GPC6: variants seen among roughly 807,000 people sequenced by gnomAD.
The protein encoded by GPC6 is glypican 6.
GPC6 carries 14 observed loss-of-function variants against 55.2 expected under a neutral mutation model. The observed-to-expected ratio is 0.25, with a 90% confidence interval of 0.17 to 0.40. The LOEUF (loss-of-function observed/expected upper bound fraction) is 0.40. Among genes scored for constraint, GPC6 ranks in the 10% least tolerant of loss-of-function variants. GPC6 has a pLI of 1.00. For missense variants in GPC6, 641 were observed against 708.5 expected, an observed-to-expected ratio of 0.90 and a Z score of 1.08; for synonymous variants, 278 against 259.6, an observed-to-expected ratio of 1.07 and a Z score of -0.68.
chr13:93,534,552 G>A (rs1424430512), intron 1 of GPC6, among the ~76,000 whole-genome samples: 1 of 152,154 alleles, frequency 6.6e-6, no homozygotes, highest in Non-Finnish European at 1.5e-5. Context: ...CACTCACCAG[G>A]TCTATTCCTG....
intron 6 of GPC6, among the ~76,000 whole-genome samples, chr13:94,347,413 A>T (rs1265620096): frequency 6.6e-6 from 1 of 152,198 alleles, no homozygotes; most frequent in African/African-American, 2.4e-5. Context: ...TTTCAGGACT[A>T]TGTGCTTTGA....
chr13:93,997,763 T>C (rs1229964316), intron 3 of GPC6, among the ~76,000 whole-genome samples: 1 of 152,218 alleles, frequency 6.6e-6, no homozygotes, highest in Non-Finnish European at 1.5e-5. Flanking sequence ...ATGTTTGCTT[T>C]ACACAAGGTA....
intron 1 of GPC6, among the ~76,000 whole-genome samples, chr13:93,315,777 A>G (rs1879226686): frequency 6.6e-6 from 1 of 151,562 alleles, no homozygotes; most frequent in East Asian, 1.9e-4. Flanking sequence ...TTAACCATGT[A>G]TGTAGTCAGT....
At chr13:93,307,908 A>T in intron 1 of GPC6, among the ~76,000 whole-genome samples, 1 of 152,216 alleles carries the variant, frequency 6.6e-6, no homozygotes. Flanking sequence ...CATTTTACAA[A>T]CATATTGTAC....
chr13:93,542,879 C>G (rs554799968), intron 1 of GPC6, among the ~76,000 whole-genome samples: 2 of 152,156 alleles, frequency 1.3e-5, no homozygotes, highest in African/African-American at 4.8e-5. Flanking sequence ...GATTTTGTAT[C>G]CTGAGACTTT....
At chr13:93,928,361 T>A (rs1239229785) in intron 3 of GPC6, among the ~76,000 whole-genome samples, 1 of 152,190 alleles carries the variant, frequency 6.6e-6, no homozygotes, top group Admixed American at 6.5e-5. Flanking sequence ...TAATGAAAAT[T>A]TATATAAAGC....
At chr13:93,794,284 T>C (rs1268705036) in intron 2 of GPC6, among the ~76,000 whole-genome samples, 1 of 152,194 alleles carries the variant, frequency 6.6e-6, no homozygotes, top group African/African-American at 2.4e-5. Context: ...TGTTACTATA[T>C]AGTGGTTCTC....
chr13:93,248,754 G>A (rs903692601), intron 1 of GPC6, among the ~76,000 whole-genome samples: 16 of 152,194 alleles, frequency 1.1e-4, no homozygotes, highest in Non-Finnish European at 1.5e-5. Context: ...CCAGCCTGTA[G>A]GTGCACCACC....
chr13:94,400,374 AT>A (rs1881073753), intron 8 of GPC6, among the ~76,000 whole-genome samples: 1 of 152,158 alleles, frequency 6.6e-6, no homozygotes, highest in South Asian at 2.1e-4. Context: ...ACATTTTTTA[AT>A]ATTCTAAATC....
chr13:93,894,471 T>C (rs769109229), intron 3 of GPC6, among the ~76,000 whole-genome samples: 5 of 152,186 alleles, frequency 3.3e-5, no homozygotes, highest in Non-Finnish European at 4.4e-5. Flanking sequence ...GACTACTTAT[T>C]TTCCACATAT....
chr13:93,341,181 A>G (rs1025985318), intron 1 of GPC6, among the ~76,000 whole-genome samples: 16 of 152,074 alleles, frequency 1.1e-4, no homozygotes, highest in Non-Finnish European at 2.2e-4. Flanking sequence ...TTGGTTCCAT[A>G]TTTTACAATT....
At chr13:93,435,103 G>A (rs1594167297) in intron 1 of GPC6, among the ~76,000 whole-genome samples, 1 of 151,682 alleles carries the variant, frequency 6.6e-6, no homozygotes, top group African/African-American at 2.4e-5. Context: ...AAATAATATT[G>A]GTTAATTTCT....
intron 2 of GPC6, among the ~76,000 whole-genome samples, chr13:93,643,172 T>C (rs912098883): frequency 1.3e-5 from 2 of 152,168 alleles, no homozygotes; most frequent in Non-Finnish European, 2.9e-5. Context: ...ATTCATTGTT[T>C]AATATACTTA....
chr13:93,683,527 G>A (rs1030171296), intron 2 of GPC6, among the ~76,000 whole-genome samples: 2 of 152,026 alleles, frequency 1.3e-5, no homozygotes, highest in African/African-American at 2.4e-5. Flanking sequence ...AAAACAGTAC[G>A]TTAGCCATCA....
At chr13:93,490,477 T>C (rs1381512134) in intron 1 of GPC6, among the ~76,000 whole-genome samples, 2 of 138,934 alleles carry the variant, frequency 1.4e-5, no homozygotes, top group East Asian at 5.4e-4. Context: ...TTTTTTTTTT[T>C]CAACTTGAGT....
chr13:94,389,374 T>G (rs1482883508), intron 7 of GPC6, among the ~76,000 whole-genome samples: 1 of 151,858 alleles, frequency 6.6e-6, no homozygotes, highest in Admixed American at 6.6e-5. Flanking sequence ...TAGAAAAGAA[T>G]GATTAGATAG....
chr13:94,165,881 G>C (rs996142518), intron 4 of GPC6, among the ~76,000 whole-genome samples: 2 of 151,938 alleles, frequency 1.3e-5, no homozygotes, highest in African/African-American at 4.8e-5. Context: ...TTCTCCCATA[G>C]GGTATAATTG....
intron 2 of GPC6, among the ~76,000 whole-genome samples, chr13:93,759,021 G>C (rs1884870474): frequency 6.6e-6 from 1 of 151,928 alleles, no homozygotes; most frequent in South Asian, 2.1e-4. Flanking sequence ...TGTTTCTCCT[G>C]TCTAGAGTAA....
At chr13:94,089,442 C>G (rs967679096) in intron 4 of GPC6, among the ~76,000 whole-genome samples, 4 of 152,156 alleles carry the variant, frequency 2.6e-5, no homozygotes, top group Admixed American at 6.6e-5. Context: ...ATTCTTACAT[C>G]CTTTAGGAGG....
Sources: allele counts gnomAD v4.1 joint callset (sites outside exome capture counted in the v4.1 genomes callset), GRCh38; gene constraint gnomAD v4.1.1; transcripts MANE v1.5; gene names NCBI Gene and HGNC (gene_info 2026-07-23, HGNC 2026-07-21).